Variants in CTNNA3 observed in about 807,000 individuals in gnomAD.
CTNNA3 encodes catenin alpha 3, also known as catenin alpha-3.
Under a neutral mutation model 95.7 loss-of-function variants are expected in CTNNA3, and 76 were observed. The ratio of observed to expected loss-of-function variants is 0.79; its 90% confidence interval spans 0.66 to 0.96. The LOEUF (loss-of-function observed/expected upper bound fraction) is 0.96, where lower values mean the gene tolerates loss of function less well. Among genes scored for constraint, CTNNA3 ranks in the 40% least tolerant of loss-of-function variants. The pLI, the probability that CTNNA3 is intolerant of heterozygous loss-of-function variation, is 0.00. For synonymous variants in CTNNA3, 431 were observed against 374.4 expected (o/e 1.15, Z -1.74); for missense variants, 1,191 against 1,089.8 (o/e 1.09, Z -1.31).
intron 5 of CTNNA3, among the ~76,000 whole-genome samples, chr10:67,281,206 C>A (rs1839388670): frequency 6.6e-6 from 1 of 151,894 alleles, no homozygotes; most frequent in Admixed American, 6.6e-5. Context: ...CAAGATTTAA[C>A]TAAATAAGAC....
intron 9 of CTNNA3, among the ~76,000 whole-genome samples, chr10:66,738,800 A>T (rs1036570932): frequency 6.6e-6 from 1 of 152,184 alleles, no homozygotes; most frequent in Non-Finnish European, 1.5e-5. Context: ...CTTGCAGTAA[A>T]GTAGGTGTAT....
chr10:66,491,814 A>G (rs1036926657), intron 11 of CTNNA3, among the ~76,000 whole-genome samples: 1 of 152,226 alleles, frequency 6.6e-6, no homozygotes, highest in Admixed American at 6.5e-5. Flanking sequence ...CACTCTTACA[A>G]TAAGATGTGA....
intron 13 of CTNNA3, among the ~76,000 whole-genome samples, chr10:66,213,013 T>A (rs1226271217): frequency 1.3e-5 from 2 of 152,106 alleles, no homozygotes; most frequent in Non-Finnish European, 2.9e-5. Context: ...GACTCTTGTC[T>A]CCAAAAAGAA....
intron 1 of CTNNA3, among the ~76,000 whole-genome samples, chr10:67,649,691 A>G (rs1312047625): frequency 2.0e-5 from 3 of 152,234 alleles, no homozygotes; most frequent in Non-Finnish European, 4.4e-5. Flanking sequence ...AATTAGGGCT[A>G]TCATAGGCAG....
intron 11 of CTNNA3, among the ~76,000 whole-genome samples, chr10:66,436,825 C>G (rs2131772324): frequency 6.6e-6 from 1 of 152,200 alleles, no homozygotes. Context: ...GTGGCTGGTA[C>G]CAGTTTTTCC....
intron 11 of CTNNA3, among the ~76,000 whole-genome samples, chr10:66,519,102 C>T (rs1189255610): frequency 1.3e-5 from 2 of 151,908 alleles, no homozygotes; most frequent in Non-Finnish European, 2.9e-5. Context: ...GAAAATCCTT[C>T]TCTTACAAAA....
chr10:66,804,607 T>C (rs374557184), intron 7 of CTNNA3, among the ~76,000 whole-genome samples: 2 of 152,152 alleles, frequency 1.3e-5, no homozygotes, highest in African/African-American at 4.8e-5. Context: ...TTGGAGAATA[T>C]AATGGCACTA....
At chr10:67,351,052 A>T (rs1287650379) in intron 5 of CTNNA3, among the ~76,000 whole-genome samples, 1 of 151,856 alleles carries the variant, frequency 6.6e-6, no homozygotes, top group Admixed American at 6.6e-5. Flanking sequence ...AGATAAATAA[A>T]CTATTGATAC....
At chr10:67,472,607 C>G (rs963038387) in intron 5 of CTNNA3, among the ~76,000 whole-genome samples, 25 of 152,194 alleles carry the variant, frequency 1.6e-4, no homozygotes, top group Admixed American at 1.4e-3. Flanking sequence ...GCTCCCTGCT[C>G]CTTTCCCAGA....
intron 5 of CTNNA3, among the ~76,000 whole-genome samples, chr10:67,290,421 T>C (rs557008241): frequency 6.6e-6 from 1 of 152,304 alleles, no homozygotes; most frequent in African/African-American, 2.4e-5. Context: ...AGAAATACTG[T>C]GTCTTTCATC....
chr10:66,718,684 GAGAA>G (rs1848532594), intron 9 of CTNNA3, among the ~76,000 whole-genome samples: 2 of 150,648 alleles, frequency 1.3e-5, no homozygotes, highest in Non-Finnish European at 3.0e-5. Flanking sequence ...TTATAATAAA[GAGAA>G]TGTAAGCTTT....
intron 11 of CTNNA3, among the ~76,000 whole-genome samples, chr10:66,515,427 A>T (rs1424334753): frequency 6.6e-6 from 1 of 151,932 alleles, no homozygotes; most frequent in African/African-American, 2.4e-5. Flanking sequence ...TTGAAAGTAA[A>T]ATTTTCCCTA....
chr10:66,848,054 G>T (rs941258195), intron 7 of CTNNA3, among the ~76,000 whole-genome samples: 2 of 152,154 alleles, frequency 1.3e-5, no homozygotes, highest in Non-Finnish European at 1.5e-5. Flanking sequence ...ATGTGGAGAA[G>T]AACATGGCAG....
intron 12 of CTNNA3, among the ~76,000 whole-genome samples, chr10:66,289,002 T>C (rs548690268): frequency 6.6e-6 from 1 of 152,160 alleles, no homozygotes; most frequent in South Asian, 2.1e-4. Context: ...GTTTGAGAAA[T>C]TATAGATTAT....
intron 15 of CTNNA3, among the ~76,000 whole-genome samples, chr10:66,055,641 C>A (rs1056694429): frequency 1.3e-5 from 2 of 151,896 alleles, no homozygotes; most frequent in Admixed American, 6.6e-5. Context: ...GATAAAAAAT[C>A]GGCCGGGCGT....
chr10:66,213,989 C>T lies in CTNNA3; in HGVS notation c.1884+66481G>A, dbSNP rs1403595502. ...AAATTGGGGATTTAGTTGATAGTAG[C>T]CAAAAACATTGTAAAGAGCACTGGA... On this transcript the variant is annotated intron_variant, in intron 13 of 17. Coordinates refer to ENST00000433211, the MANE Select transcript of CTNNA3 (RefSeq NM_013266.4). Among the ~76,000 whole-genome samples the T allele has an allele frequency of 2.0e-5, 3 of 151,998 alleles. No individual in the cohort carries two copies. The East Asian group carries it at 5.8e-4, about 29-fold the overall frequency.
intron 1 of CTNNA3, among the ~76,000 whole-genome samples, chr10:67,683,040 G>A (rs1175517580): frequency 6.6e-6 from 1 of 152,168 alleles, no homozygotes; most frequent in Non-Finnish European, 1.5e-5. Context: ...TTAGGGTTCT[G>A]TCAATTAGCA....
At chr10:66,729,765 C>T (rs1458620043) in intron 9 of CTNNA3, among the ~76,000 whole-genome samples, 1 of 152,096 alleles carries the variant, frequency 6.6e-6, no homozygotes, top group Admixed American at 6.6e-5. Context: ...TAACCAAACA[C>T]CATGTGTTCC....
chr10:66,903,398 A>T (rs1845840984), intron 7 of CTNNA3, among the ~76,000 whole-genome samples: 1 of 152,230 alleles, frequency 6.6e-6, no homozygotes, highest in Admixed American at 6.5e-5. Flanking sequence ...GGAGCTATTT[A>T]TGACAAACCC....
Sources: gnomAD v4.1 joint callset for allele counts (sites outside exome capture counted in the v4.1 genomes callset) on GRCh38, gnomAD v4.1.1 for gene constraint, MANE v1.5 for transcripts, NCBI Gene and HGNC (gene_info 2026-07-23, HGNC 2026-07-21) for gene names.